Variants in VWC2L observed in about 807,000 individuals in gnomAD.
The protein encoded by VWC2L is von Willebrand factor C domain-containing protein 2-like.
In VWC2L, 10 loss-of-function variants were observed where a neutral mutation model predicts 21.6. The observed-to-expected ratio is 0.46, with a 90% CI of 0.29 to 0.78. The LOEUF (loss-of-function observed/expected upper bound fraction) is 0.78. Ranked by LOEUF, VWC2L falls within the 30% of genes least tolerant of loss-of-function variation. VWC2L has a pLI of 0.10. For synonymous variants in VWC2L, 96 were observed against 94.3 expected, an observed-to-expected ratio of 1.02 and a Z score of -0.10; for missense variants, 209 against 277.1, an observed-to-expected ratio of 0.75 and a Z score of 1.74.
intron 3 of VWC2L, among the ~76,000 whole-genome samples, chr2:214,445,436 C>G (rs1332162088): frequency 6.6e-6 from 1 of 151,520 alleles, no homozygotes; most frequent in Non-Finnish European, 1.5e-5. Flanking sequence ...AAAAAAAAAG[C>G]ATTTCCCTCA....
intron 1 of VWC2L, 135 bp from the exon 2 acceptor site, chr2:214,413,979 T>G: frequency 2.0e-6 from 1 of 500,190 alleles, no homozygotes; most frequent in East Asian, 3.6e-5. Flanking sequence ...AAGGCACAGA[T>G]AGTTGCATGA....
intron 3 of VWC2L, among the ~76,000 whole-genome samples, chr2:214,559,838 C>T (rs961084846): frequency 1.3e-5 from 2 of 152,150 alleles, no homozygotes; most frequent in African/African-American, 4.8e-5. Flanking sequence ...TGGCCTCAAG[C>T]CATCCTCCAA....
chr2:214,470,200 T>G (rs998870134), intron 3 of VWC2L, among the ~76,000 whole-genome samples: 1 of 150,158 alleles, frequency 6.7e-6, no homozygotes, highest in Non-Finnish European at 1.5e-5. Context: ...TGGAAATCAT[T>G]TTTGATAAAT....
chr2:214,567,595 C>G (rs6757100), intron 3 of VWC2L, among the ~76,000 whole-genome samples: 101,664 of 135,078 alleles, frequency 0.75, 37,953 homozygotes, highest in East Asian at 0.83. Flanking sequence ...CACACACACA[C>G]AGAGAGAGAG....
intron 3 of VWC2L, among the ~76,000 whole-genome samples, chr2:214,520,982 G>C (rs1689229577): frequency 6.6e-6 from 1 of 151,980 alleles, no homozygotes; most frequent in Non-Finnish European, 1.5e-5. Context: ...CCAGCACTTT[G>C]GGAGGCTGAG....
chr2:214,444,923 C>T (rs1477377967), intron 3 of VWC2L, among the ~76,000 whole-genome samples: 2 of 151,832 alleles, frequency 1.3e-5, no homozygotes, highest in Non-Finnish European at 2.9e-5. Flanking sequence ...GTTGAAAATA[C>T]TGTAAATATT....
At chr2:214,568,765 G>A (rs1480546366) in intron 3 of VWC2L, among the ~76,000 whole-genome samples, 1 of 152,166 alleles carries the variant, frequency 6.6e-6, no homozygotes, top group African/African-American at 2.4e-5. Flanking sequence ...TGAATATTCT[G>A]TGGCTACAAC....
At chr2:214,530,838 A>T (rs971372424) in intron 3 of VWC2L, among the ~76,000 whole-genome samples, 1 of 152,234 alleles carries the variant, frequency 6.6e-6, no homozygotes, top group Admixed American at 6.5e-5. Context: ...GCTGGTAGCC[A>T]TATAAAAGGG....
intron 3 of VWC2L, among the ~76,000 whole-genome samples, chr2:214,440,564 C>T (rs910862020): frequency 1.3e-5 from 2 of 151,864 alleles, no homozygotes; most frequent in Non-Finnish European, 2.9e-5. Context: ...TGGAATGTCA[C>T]GGCAATATTT....
chr2:214,560,401 C>T (rs1042401698), intron 3 of VWC2L, among the ~76,000 whole-genome samples: 2 of 152,046 alleles, frequency 1.3e-5, no homozygotes, highest in Non-Finnish European at 2.9e-5. Context: ...TAGTAATGTT[C>T]CACTTTGTTG....
intron 3 of VWC2L, among the ~76,000 whole-genome samples, chr2:214,497,472 A>T (rs1688828589): frequency 6.6e-6 from 1 of 152,186 alleles, no homozygotes; most frequent in Admixed American, 6.5e-5. Context: ...ATCCTTCTTC[A>T]TATATGGTGG....
At chr2:214,422,109 C>T (rs1274123953) in intron 2 of VWC2L, among the ~76,000 whole-genome samples, 2 of 151,428 alleles carry the variant, frequency 1.3e-5, no homozygotes, top group South Asian at 2.1e-4. Context: ...AGGATGGTCT[C>T]GATCTCCTGA....
At chr2:214,419,605 C>T (rs530763174) in intron 2 of VWC2L, among the ~76,000 whole-genome samples, 1 of 152,214 alleles carries the variant, frequency 6.6e-6, no homozygotes, top group African/African-American at 2.4e-5. Flanking sequence ...TCCCAGTGTC[C>T]CTAATTCAGG....
chr2:214,479,401 T>C (rs1008717604), intron 3 of VWC2L, among the ~76,000 whole-genome samples: 3 of 152,222 alleles, frequency 2.0e-5, no homozygotes, highest in African/African-American at 7.2e-5. Context: ...TTTTGGACTA[T>C]AAAACTTTGA....
intron 3 of VWC2L, among the ~76,000 whole-genome samples, chr2:214,474,534 T>A (rs889412924): frequency 6.6e-6 from 1 of 152,120 alleles, no homozygotes; most frequent in Non-Finnish European, 1.5e-5. Flanking sequence ...AGGGGAAAAA[T>A]ACTTACTATT....
chr2:214,548,254 C>T (rs368510827), intron 3 of VWC2L, among the ~76,000 whole-genome samples: 24 of 152,160 alleles, frequency 1.6e-4, no homozygotes, highest in Admixed American at 1.2e-3. Flanking sequence ...ATGGGTGTTC[C>T]GTCACTGCTT....
At chr2:214,427,474 T>C (rs919613335) in intron 2 of VWC2L, among the ~76,000 whole-genome samples, 6 of 152,232 alleles carry the variant, frequency 3.9e-5, no homozygotes, top group South Asian at 2.1e-4. Flanking sequence ...TGATTAAAGA[T>C]TGAAGTTTCA....
chr2:214,482,436 A>T (rs2126197437), intron 3 of VWC2L, among the ~76,000 whole-genome samples: 1 of 151,900 alleles, frequency 6.6e-6, no homozygotes, highest in South Asian at 2.1e-4. Context: ...CTGTCTCTCC[A>T]AACTGGTAAA....
intron 3 of VWC2L, among the ~76,000 whole-genome samples, chr2:214,450,712 G>T (rs1426976560): frequency 6.6e-6 from 1 of 152,140 alleles, no homozygotes; most frequent in Non-Finnish European, 1.5e-5. Flanking sequence ...GAGTCAGGGG[G>T]CAACAGGTGC....
Sources: allele counts gnomAD v4.1 joint callset (sites outside exome capture counted in the v4.1 genomes callset), GRCh38; gene constraint gnomAD v4.1.1; transcripts MANE v1.5; gene names NCBI Gene and HGNC (gene_info 2026-07-23, HGNC 2026-07-21).